The following DOCK1 variants were observed in gnomAD, a reference collection of about 807,000 sequenced individuals.
The protein encoded by DOCK1 is dedicator of cytokinesis 1, also known as dedicator of cytokinesis protein 1.
In DOCK1, 138 loss-of-function variants were observed where a neutral mutation model predicts 262.7. The observed-to-expected ratio is 0.53, with a 90% confidence interval of 0.46 to 0.61. The LOEUF is 0.61. DOCK1 is among the 20% of genes least tolerant of loss of function. The pLI is 0.00. For synonymous variants in DOCK1, 866 were observed against 867.4 expected (o/e 1.00, Z 0.03); for missense variants, 1,908 against 2,370.7 (o/e 0.80, Z 4.05).
chr10:127,393,323 A>T (rs34562406), intron 38 of DOCK1, among the ~76,000 whole-genome samples: 2 of 151,832 alleles, frequency 1.3e-5, no homozygotes, highest in East Asian at 3.9e-4. Flanking sequence ...CTACAGCTCC[A>T]CTGATCCAGC....
rs769329853 is a variant in DOCK1, at chr10:127,176,200, A to G, written c.2847+48436A>G. ...TCCCGCTTCTCCCCCAGCTGGCCCG[A>G]GGACAGCTGTGTGTCCCTCTGCTCA... On this transcript the variant is annotated intron_variant, in intron 27 of 51. Transcript: ENST00000623213. This position sits in a 1 kb window ranked among gnomAD's most constrained non-coding sequence, Gnocchi z 4.4. 1 of 1,614,130 alleles carries G rather than the reference A, an allele frequency of 6.2e-7. No individual in the cohort carries two copies. The highest frequency in any genetic ancestry group is 8.5e-7 in the Non-Finnish European group (1 of 1,180,010).
chr10:127,416,508 G>A (rs1356395073), intron 44 of DOCK1, among the ~76,000 whole-genome samples: 2 of 152,150 alleles, frequency 1.3e-5, no homozygotes, highest in African/African-American at 4.8e-5. Context: ...CTGACCTTTC[G>A]TGAGGATGCA....
At chr10:127,273,162 G>C (rs1405529867) in intron 29 of DOCK1, among the ~76,000 whole-genome samples, 2 of 152,196 alleles carry the variant, frequency 1.3e-5, no homozygotes, top group Non-Finnish European at 2.9e-5. Flanking sequence ...TTTCCTGCAA[G>C]AGCCAGAAAA....
At chr10:127,430,425 A>G (rs775233728) in intron 47 of DOCK1, among the ~76,000 whole-genome samples, 12 of 152,200 alleles carry the variant, frequency 7.9e-5, no homozygotes, top group Non-Finnish European at 1.3e-4. Flanking sequence ...CTGGAGTTCC[A>G]TGGTGAGGAG....
intron 29 of DOCK1, among the ~76,000 whole-genome samples, chr10:127,261,187 ATGCGGGTG>A (rs1425917588): frequency 1.2e-5 from 1 of 86,210 alleles, no homozygotes; most frequent in Admixed American, 1.2e-4. Context: ...ATGTGTGTGC[ATGCGGGTG>A]TGTGTGTGTA....
chr10:126,962,864 C>G (rs961891578), intron 1 of DOCK1, among the ~76,000 whole-genome samples: 50 of 152,116 alleles, frequency 3.3e-4, no homozygotes, highest in Non-Finnish European at 5.6e-4. Context: ...AGTTTTAGCT[C>G]TTATGTTTAG....
At chr10:127,395,789 A>G (rs1020141251) in intron 38 of DOCK1, among the ~76,000 whole-genome samples, 1 of 151,202 alleles carries the variant, frequency 6.6e-6, no homozygotes, top group African/African-American at 2.4e-5. Context: ...CAGATTCCAC[A>G]GTGTCAAAGA....
chr10:126,949,617 C>T (rs1160199276), intron 1 of DOCK1, among the ~76,000 whole-genome samples: 1 of 152,078 alleles, frequency 6.6e-6, no homozygotes. Flanking sequence ...GTTGAATGTC[C>T]TTTCTGTGCT....
chr10:127,069,564 A>G (rs1198585327), intron 23 of DOCK1, among the ~76,000 whole-genome samples: 4 of 152,126 alleles, frequency 2.6e-5, no homozygotes, highest in African/African-American at 9.7e-5. Flanking sequence ...TGATCTGAGG[A>G]TGTCATGGGC....
chr10:127,404,593 G>T (rs1373189878), intron 40 of DOCK1, among the ~76,000 whole-genome samples, 164 bp downstream of exon 40: 2 of 152,176 alleles, frequency 1.3e-5, no homozygotes, highest in Non-Finnish European at 2.9e-5. Flanking sequence ...GGGGTTGACA[G>T]GATTTTATTT....
At chr10:127,151,138 C>T (rs1002248475) in intron 27 of DOCK1, among the ~76,000 whole-genome samples, 1 of 152,196 alleles carries the variant, frequency 6.6e-6, no homozygotes, top group Non-Finnish European at 1.5e-5. Context: ...TCTTATCCAA[C>T]ATAATAACCA....
chr10:127,036,981 G>GAAA (rs11429952), intron 18 of DOCK1, among the ~76,000 whole-genome samples: 31 of 128,002 alleles, frequency 2.4e-4, no homozygotes, highest in African/African-American at 3.1e-4. Context: ...CCATCTCAAG[G>GAAA]AAAAAAAAAA....
chr10:127,264,165 A>C (rs1026020382), intron 29 of DOCK1, among the ~76,000 whole-genome samples: 16 of 152,146 alleles, frequency 1.1e-4, no homozygotes, highest in Non-Finnish European at 1.5e-5. Flanking sequence ...TCAGCTACTG[A>C]GACTTGTAAC....
At chr10:127,286,025 C>A (rs753285522) in intron 29 of DOCK1, among the ~76,000 whole-genome samples, 2 of 152,168 alleles carry the variant, frequency 1.3e-5, no homozygotes, top group Non-Finnish European at 2.9e-5. Flanking sequence ...CTAGCATGCC[C>A]TTTTTCCAGC....
At chr10:127,078,283 T>G (rs1331710441) in intron 23 of DOCK1, among the ~76,000 whole-genome samples, 1 of 152,202 alleles carries the variant, frequency 6.6e-6, no homozygotes, top group African/African-American at 2.4e-5. Context: ...AGTTCTTTTA[T>G]TTTTGTCATG....
At chr10:127,334,842 A>G (rs1421110076) in intron 29 of DOCK1, among the ~76,000 whole-genome samples, 1 of 152,150 alleles carries the variant, frequency 6.6e-6, no homozygotes, top group Non-Finnish European at 1.5e-5. Context: ...GTGGTTCACA[A>G]GGTGGTTGAT....
chr10:126,996,720 T>A, intron 6 of DOCK1, 28 bp from the exon 7 acceptor site: 1 of 1,596,168 alleles, frequency 6.3e-7, no homozygotes, highest in Non-Finnish European at 8.5e-7. Context: ...TCTATGTCTG[T>A]GAACTTACTA....
chr10:127,099,981 C>G (rs907730309), intron 23 of DOCK1, among the ~76,000 whole-genome samples: 10 of 152,096 alleles, frequency 6.6e-5, no homozygotes, highest in African/African-American at 2.4e-4. Flanking sequence ...AGGGGCCTGG[C>G]CCACCTGGGA....
chr10:126,952,516 T>C (rs1432083966), intron 1 of DOCK1, among the ~76,000 whole-genome samples: 1 of 151,150 alleles, frequency 6.6e-6, no homozygotes, highest in Non-Finnish European at 1.5e-5. Flanking sequence ...GTTGGTGTTG[T>C]TATTCTTGGT....
Sources: gnomAD v4.1 joint callset for allele counts (sites outside exome capture counted in the v4.1 genomes callset) on GRCh38, gnomAD v4.1.1 for gene constraint, Gnocchi (gnomAD v3.1) non-coding constraint, MANE v1.5 for transcripts, NCBI Gene and HGNC (gene_info 2026-07-23, HGNC 2026-07-21) for gene names.